The following FHIT variants were observed in gnomAD, a reference collection of about 807,000 sequenced individuals.
The protein encoded by FHIT is fragile histidine triad diadenosine triphosphatase.
Under a neutral mutation model 17.9 loss-of-function variants are expected in FHIT, and 19 were observed. The ratio of observed to expected loss-of-function variants is 1.06; its 90% CI spans 0.74 to 1.56. FHIT has a LOEUF of 1.56. Ranked by LOEUF, FHIT falls within the 40% of genes most tolerant of loss-of-function variation. The pLI, the probability that FHIT is intolerant of heterozygous loss-of-function variation, is 0.00. For synonymous variants in FHIT, 81 were observed against 69.7 expected, an observed-to-expected ratio of 1.16 and a Z score of -0.81; for missense variants, 248 against 189.2, an observed-to-expected ratio of 1.31 and a Z score of -1.82.
At chr3:60,614,440 A>G (rs1235443672) in intron 4 of FHIT, among the ~76,000 whole-genome samples, 13 of 152,034 alleles carry the variant, frequency 8.6e-5, no homozygotes, top group Non-Finnish European at 1.8e-4. Flanking sequence ...TCCATCTCTA[A>G]TAAAAATACA....
Position 60,192,269 on chromosome 3 carries a change from G to A in FHIT, c.104-178117C>T, listed in dbSNP as rs1409048217. Among the ~76,000 whole-genome samples, 6 of 122,470 alleles carry A rather than the reference G, an allele frequency of 4.9e-5. No individual in the cohort carries two copies. The South Asian group carries it at 1.6e-3, about 33-fold the overall frequency. The allele number at this position is 122,470 out of a possible 152,430, so 80.3% of individuals were successfully genotyped here. On this transcript the variant is annotated intron_variant, in intron 5 of 9. Transcript: ENST00000492590. ...ATGTCTCAAAAAAAAAAAAAAAAAA[G>A]TTAAAGGATAGACAGGCAAAAGTTC...
At chr3:60,733,556 A>G (rs1553711856) in intron 4 of FHIT, among the ~76,000 whole-genome samples, 1 of 152,128 alleles carries the variant, frequency 6.6e-6, no homozygotes, top group African/African-American at 2.4e-5. Context: ...ACCTCAACCA[A>G]CCATCCTTTC....
At chr3:60,149,263 A>G (rs911758513) in intron 5 of FHIT, among the ~76,000 whole-genome samples, 3 of 152,252 alleles carry the variant, frequency 2.0e-5, no homozygotes, top group Non-Finnish European at 2.9e-5. Context: ...CATCAACTAG[A>G]ACTCAAAGAG....
intron 4 of FHIT, among the ~76,000 whole-genome samples, chr3:60,722,910 G>C (rs573162541): frequency 6.6e-6 from 1 of 152,076 alleles, no homozygotes; most frequent in East Asian, 1.9e-4. Context: ...TTTTAGTAGA[G>C]ACTGGGTTTC....
At chr3:60,987,483 G>C (rs1036212466) in intron 3 of FHIT, among the ~76,000 whole-genome samples, 1 of 152,046 alleles carries the variant, frequency 6.6e-6, no homozygotes, top group Non-Finnish European at 1.5e-5. Flanking sequence ...CCTTTAATTC[G>C]GCCCATAAGA....
chr3:60,364,647 T>G (rs1260440377), intron 5 of FHIT, among the ~76,000 whole-genome samples: 2 of 152,200 alleles, frequency 1.3e-5, no homozygotes, highest in Admixed American at 1.3e-4. Flanking sequence ...ATGTGCCAAT[T>G]TGACTGAGCT....
intron 5 of FHIT, among the ~76,000 whole-genome samples, chr3:60,025,770 C>T (rs1170332167): frequency 6.7e-6 from 1 of 150,368 alleles, no homozygotes; most frequent in African/African-American, 2.4e-5. Flanking sequence ...AAACTTTCAG[C>T]AGCAAGTGAT....
intron 4 of FHIT, among the ~76,000 whole-genome samples, chr3:60,695,059 A>G (rs1160664167): frequency 6.6e-6 from 1 of 152,128 alleles, no homozygotes; most frequent in African/African-American, 2.4e-5. Flanking sequence ...CTTAAAGTAT[A>G]ATAATAATAA....
chr3:60,742,605 A>G (rs1483860929), intron 4 of FHIT, among the ~76,000 whole-genome samples: 1 of 152,208 alleles, frequency 6.6e-6, no homozygotes, highest in African/African-American at 2.4e-5. Context: ...ACAAGAAAAA[A>G]ATGTATTTCA....
intron 5 of FHIT, among the ~76,000 whole-genome samples, chr3:60,064,279 T>C (rs1197055081): frequency 6.6e-6 from 1 of 152,212 alleles, no homozygotes; most frequent in East Asian, 1.9e-4. Flanking sequence ...TCTTATTTGA[T>C]GTTTGGATTC....
chr3:61,197,022 A>C (rs573879508), intron 2 of FHIT, among the ~76,000 whole-genome samples: 72 of 152,300 alleles, frequency 4.7e-4, no homozygotes, highest in African/African-American at 1.6e-3. Flanking sequence ...TGGAAGCACA[A>C]ATGTGAATAC....
At chr3:60,191,533 T>C (rs1169395629) in intron 5 of FHIT, among the ~76,000 whole-genome samples, 1 of 152,194 alleles carries the variant, frequency 6.6e-6, no homozygotes, top group Non-Finnish European at 1.5e-5. Flanking sequence ...CCGTAGTGAT[T>C]AGAAGGGCAT....
intron 8 of FHIT, among the ~76,000 whole-genome samples, chr3:59,865,386 T>C (rs1368879957): frequency 2.6e-5 from 4 of 152,284 alleles, no homozygotes; most frequent in Non-Finnish European, 4.4e-5. Flanking sequence ...ACTTTAGAGA[T>C]GCTGCCTAGC....
intron 3 of FHIT, among the ~76,000 whole-genome samples, chr3:61,035,534 T>C (rs2033199247): frequency 6.6e-6 from 1 of 152,186 alleles, no homozygotes; most frequent in South Asian, 2.1e-4. Flanking sequence ...CACATAACTT[T>C]AATTGATATG....
chr3:60,494,372 TACATG>T (rs2034202009), intron 5 of FHIT, among the ~76,000 whole-genome samples: 2 of 152,210 alleles, frequency 1.3e-5, no homozygotes, highest in African/African-American at 4.8e-5. Flanking sequence ...ATTTATGGGG[TACATG>T]ACATGTTTTG....
At chr3:60,220,452 A>T (rs888571024) in intron 5 of FHIT, among the ~76,000 whole-genome samples, 1 of 152,136 alleles carries the variant, frequency 6.6e-6, no homozygotes, top group Admixed American at 6.5e-5. Flanking sequence ...AAAAAAAATA[A>T]ATCAACTGAC....
At chr3:59,882,172 AACACAC>A (rs1703435343) in intron 8 of FHIT, among the ~76,000 whole-genome samples, 1 of 151,906 alleles carries the variant, frequency 6.6e-6, no homozygotes, top group Admixed American at 6.6e-5. Context: ...TTCAGTATAA[AACACAC>A]TGCTGGTAGG....
At chr3:60,739,160 C>T (rs2042194423) in intron 4 of FHIT, among the ~76,000 whole-genome samples, 1 of 152,190 alleles carries the variant, frequency 6.6e-6, no homozygotes, top group South Asian at 2.1e-4. Context: ...CCACCTCCAC[C>T]ACTGAATAAA....
At chr3:60,251,580 T>C (rs927001080) in intron 5 of FHIT, among the ~76,000 whole-genome samples, 2 of 152,196 alleles carry the variant, frequency 1.3e-5, no homozygotes, top group African/African-American at 4.8e-5. Flanking sequence ...GAAAAGTATC[T>C]TTGGGAATAG....
Sources: allele counts gnomAD v4.1 joint callset (sites outside exome capture counted in the v4.1 genomes callset), GRCh38; gene constraint gnomAD v4.1.1; transcripts MANE v1.5; gene names NCBI Gene and HGNC (gene_info 2026-07-23, HGNC 2026-07-21).